KNTC1: variants seen among roughly 807,000 people sequenced by gnomAD.
The protein encoded by KNTC1 is kinetochore associated 1.
A neutral mutation model predicts 314.4 loss-of-function variants in KNTC1; 253 were observed. The observed-to-expected ratio is 0.80, with a 90% CI of 0.73 to 0.89. The LOEUF (loss-of-function observed/expected upper bound fraction) is 0.89, where lower values mean the gene tolerates loss of function less well. Ranked by LOEUF, KNTC1 falls within the 40% of genes least tolerant of loss-of-function variation. KNTC1 has a pLI of 0.00. For synonymous variants in KNTC1, 901 were observed against 901.4 expected (o/e 1.00, Z 0.01); for missense variants, 2,475 against 2,572.9 (o/e 0.96, Z 0.82).
intron 45 of KNTC1, among the ~76,000 whole-genome samples, chr12:122,602,147 A>G (rs1872007500): frequency 6.6e-6 from 1 of 151,892 alleles, no homozygotes; most frequent in African/African-American, 2.4e-5. Flanking sequence ...GACTTATTAT[A>G]TAAGAAAATA....
At chr12:122,587,659 ATCTT>A (rs1404856529) in intron 38 of KNTC1, 48 bp from the exon 39 acceptor site, 2 of 1,436,454 alleles carry the variant, frequency 1.4e-6, no homozygotes, top group African/African-American at 2.9e-5. Context: ...CAATAATATG[ATCTT>A]TCTTTGTTTA....
At chr12:122,581,167 T>G (rs1255305622) in intron 33 of KNTC1, among the ~76,000 whole-genome samples, 2 of 151,918 alleles carry the variant, frequency 1.3e-5, no homozygotes, top group South Asian at 2.1e-4. Flanking sequence ...AATATACAAT[T>G]CAATGATTTT....
Position 122,555,578 on chromosome 12 carries a change from G to A in KNTC1, c.1273-1806G>A, listed in dbSNP as rs572988646. On this transcript the variant is annotated intron_variant, in intron 16 of 63. Coordinates refer to ENST00000333479, the MANE Select transcript of KNTC1 (RefSeq NM_014708.6). ...AAAATAAAAAAGAAGGGCCGGGCGC[G>A]GTGGCTCACGCCTGTAATCCCAGCA... Among the ~76,000 whole-genome samples the A allele has an allele frequency of 5.3e-5, 8 of 151,866 alleles. No individual in the cohort carries two copies. In the East Asian group the frequency reaches 7.7e-4, roughly 15 times the overall value.
At position 122,546,198 on chromosome 12, in the gene KNTC1, C is replaced by G; in HGVS notation, c.692C>G (p.Ser231Ter). 6.2e-7 allele frequency: 1 copy of G among 1,608,916 alleles called. No individual in the cohort carries two copies. The highest frequency in any genetic ancestry group is 8.5e-7 in the Non-Finnish European group (1 of 1,175,562). Residue 231 changes from serine (S) to a stop codon, truncating the protein, a stop_gained, in exon 9 of 64, where the codon TCA (serine) becomes TGA (stop). Transcript: ENST00000333479. LOFTEE classifies it high-confidence loss of function. The part of the protein sequence containing the change: ...IIGGTGNCAF[S>*]KWEPDSSKKG... ...CAGGGAACCGGTAATTGTGCATTCT[C>G]AAAATGGGAACCAGATTCTTCCAAG...
At chr12:122,620,422 C>T in intron 59 of KNTC1, 57 bp from the exon 60 acceptor site, 3 of 1,533,404 alleles carry the variant, frequency 2.0e-6, no homozygotes, top group Non-Finnish European at 2.7e-6. Context: ...GCTAGAAAGG[C>T]CAATATAATC....
intron 51 of KNTC1, among the ~76,000 whole-genome samples, chr12:122,606,018 T>G (rs61244464): frequency 0.61 from 91,184 of 150,490 alleles, 27,800 homozygotes; most frequent in East Asian, 0.84. Flanking sequence ...AATGTTTTGT[T>G]TTTTTTGTTT....
chr12:122,561,456 T>G (rs966263833), intron 18 of KNTC1, among the ~76,000 whole-genome samples: 7 of 152,104 alleles, frequency 4.6e-5, no homozygotes, highest in Non-Finnish European at 8.8e-5. Flanking sequence ...ATTTATTTAT[T>G]TGTAATTTTT....
rs1873980129 is a variant in KNTC1 at position 122,618,240 on chromosome 12, G to A, written c.6031-103G>A. Reference sequence around the variant, plus strand: ...ACCTGCTTCAGCCTTTCAAAGTGCTGGGATTATAGGTGTGAGCCACCGCGC... The same window carrying A: ...ACCTGCTTCAGCCTTTCAAAGTGCTAGGATTATAGGTGTGAGCCACCGCGC... On this transcript the variant is annotated intron_variant, in intron 57 of 63. Transcript: ENST00000333479. 3.2e-6 allele frequency: 3 copies of A among 937,206 alleles called. No individual in the cohort carries two copies. In the Admixed American group the frequency reaches 6.2e-5, roughly 19 times the overall value. The allele number at this position is 937,206 out of a possible 1,614,324, so 58.1% of individuals were successfully genotyped here. A position where few individuals can be genotyped will look rare whatever the true frequency, so the allele number is the denominator to read the frequency against.
chr12:122,588,264 AATT>A (rs1565990668), intron 39 of KNTC1, among the ~76,000 whole-genome samples: 1 of 152,196 alleles, frequency 6.6e-6, no homozygotes, highest in African/African-American at 2.4e-5. Context: ...TAAATGGCCA[AATT>A]ATTATAATTA....
At chr12:122,583,629 C>G (rs1254791085) in intron 34 of KNTC1, among the ~76,000 whole-genome samples, 1 of 152,034 alleles carries the variant, frequency 6.6e-6, no homozygotes, top group Non-Finnish European at 1.5e-5. Context: ...AGTTCAAGAC[C>G]AGCCTGGCCA....
chr12:122,586,914 A>G (rs1593617018), intron 38 of KNTC1, among the ~76,000 whole-genome samples, 157 bp downstream of exon 38: 1 of 152,148 alleles, frequency 6.6e-6, no homozygotes, highest in East Asian at 1.9e-4. Context: ...TCCCGGGCTC[A>G]AGCAGTTCTC....
Position 122,584,374 on chromosome 12 carries a change from G to A in KNTC1, c.3360G>A (p.Val1120=), listed in dbSNP as rs1021059560. 1 of 1,613,816 alleles carries A rather than the reference G, an allele frequency of 6.2e-7. No individual in the cohort carries two copies. Among genetic ancestry groups the A allele is most frequent in the Non-Finnish European group, 8.5e-7 (1 of 1,179,770 alleles). The change falls in exon 35 of 64, where the codon GTG becomes GTA. Residue 1120 remains valine, a synonymous_variant. Coordinates refer to ENST00000333479, the MANE Select transcript of KNTC1 (RefSeq NM_014708.6). ...AGATGTTGGCTGATAATGTCCCAGT[G>A]ACAGTGCCTGTGGGACTGAATCTTC... is the stretch of plus-strand genomic sequence containing the variant. ...LCQMLADNVP[V]TVPVGLNLPS...
chr12:122,529,760 C>T (rs116569540), intron 1 of KNTC1, among the ~76,000 whole-genome samples: 378 of 152,260 alleles, frequency 2.5e-3, no homozygotes, highest in African/African-American at 8.5e-3. Flanking sequence ...AATGGAAGCT[C>T]TAAGATACAT....
At chr12:122,618,263 C>T (rs771102771) in intron 57 of KNTC1, 80 bp from the exon 58 acceptor site, 123 of 1,256,142 alleles carry the variant, frequency 9.8e-5, no homozygotes, top group Non-Finnish European at 1.3e-4. Flanking sequence ...TGAGCCACCG[C>T]GCCTGGCCTA....
chr12:122,598,424 T>TTC (rs1396352238), intron 44 of KNTC1, among the ~76,000 whole-genome samples: 6 of 146,220 alleles, frequency 4.1e-5, no homozygotes, highest in Non-Finnish European at 7.6e-5. Context: ...TTCTTTTCTT[T>TTC]TTTTTTTTTT....
At chr12:122,572,130 G>T (rs1213389169) in intron 24 of KNTC1, among the ~76,000 whole-genome samples, 2 of 152,044 alleles carry the variant, frequency 1.3e-5, no homozygotes, top group East Asian at 3.9e-4. Context: ...GATGGCTTAC[G>T]CCTGTAATCC....
chr12:122,534,826 C>A, intron 3 of KNTC1, 42 bp downstream of exon 3: 1 of 1,584,872 alleles, frequency 6.3e-7, no homozygotes, highest in South Asian at 1.1e-5. Flanking sequence ...AATTGGAAGT[C>A]AAATACATCT....
Position 122,568,114 on chromosome 12 carries a change from A to G in KNTC1, c.1605-147A>G. 5 of 579,532 alleles carry G rather than the reference A, an allele frequency of 8.6e-6. No homozygotes were observed. The South Asian group carries it at 9.4e-5, about 11-fold the overall frequency. 35.9% of individuals were successfully genotyped at this position (579,532 alleles called of 1,614,324 possible). On this transcript the variant is annotated intron_variant, in intron 20 of 63. Coordinates refer to ENST00000333479, the MANE Select transcript of KNTC1 (RefSeq NM_014708.6). ...AAGGAAATGTACTTTGCATTGTGTG[A>G]TCTTTGGAACTGGGTTTTTTTTAGT...
intron 33 of KNTC1, 72 bp downstream of exon 33, chr12:122,580,742 T>G: frequency 9.6e-7 from 1 of 1,043,168 alleles, no homozygotes; most frequent in Non-Finnish European, 1.4e-6. Flanking sequence ...TAAAGTTTTC[T>G]GTATGGCTGG....
Sources: gnomAD v4.1 joint callset for allele counts (sites outside exome capture counted in the v4.1 genomes callset) on GRCh38, gnomAD v4.1.1 for gene constraint, MANE v1.5 for transcripts, NCBI Gene and HGNC (gene_info 2026-07-23, HGNC 2026-07-21) for gene names.